AGBL1: variants seen among roughly 807,000 people sequenced by gnomAD.
AGBL1 encodes AGBL carboxypeptidase 1.
In AGBL1, 130 loss-of-function variants were observed where a neutral mutation model predicts 118.9. The observed-to-expected ratio is 1.09, with a 90% CI of 0.95 to 1.26. The LOEUF (loss-of-function observed/expected upper bound fraction) is 1.26. Among genes scored for constraint, AGBL1 ranks in the 50% most tolerant of loss-of-function variants. The pLI, the probability that AGBL1 is intolerant of heterozygous loss-of-function variation, is 0.00. For missense variants in AGBL1, 1,584 were observed against 1,298.1 expected (o/e 1.22, Z -3.38); for synonymous variants, 555 against 478.9 (o/e 1.16, Z -2.08).
At chr15:86,698,772 T>C (rs916730345) in intron 22 of AGBL1, among the ~76,000 whole-genome samples, 5 of 151,974 alleles carry the variant, frequency 3.3e-5, no homozygotes, top group African/African-American at 1.2e-4. Context: ...ACAGTGGTTC[T>C]GGAACAAGAC....
At chr15:86,356,137 C>A (rs1389731704) in intron 17 of AGBL1, among the ~76,000 whole-genome samples, 1 of 151,946 alleles carries the variant, frequency 6.6e-6, no homozygotes, top group Non-Finnish European at 1.5e-5. Flanking sequence ...ACAGGAAGCA[C>A]ATAGCAGAGG....
chr15:86,758,558 G>A (rs970087069), intron 22 of AGBL1, among the ~76,000 whole-genome samples: 52 of 152,054 alleles, frequency 3.4e-4, no homozygotes, highest in African/African-American at 1.2e-3. Context: ...CTGGGACTTA[G>A]GTGCTCGATA....
intron 23 of AGBL1, among the ~76,000 whole-genome samples, chr15:86,971,466 T>G (rs959578740): frequency 6.6e-6 from 1 of 151,974 alleles, no homozygotes; most frequent in African/African-American, 2.4e-5. Flanking sequence ...TTGCCTCATT[T>G]ATACTATTCC....
intron 23 of AGBL1, among the ~76,000 whole-genome samples, chr15:86,929,960 T>G (rs1390796224): frequency 6.6e-6 from 1 of 152,218 alleles, no homozygotes; most frequent in African/African-American, 2.4e-5. Context: ...AAATGCCCTT[T>G]GGCTGGCTAA....
At chr15:86,955,727 ATAAAT>A (rs1041486782) in intron 23 of AGBL1, among the ~76,000 whole-genome samples, 49 of 152,104 alleles carry the variant, frequency 3.2e-4, no homozygotes, top group African/African-American at 1.0e-3. Flanking sequence ...ATTTCTGAAA[ATAAAT>A]TAACAACCGG....
chr15:86,485,681 G>A (rs569774532), intron 18 of AGBL1, among the ~76,000 whole-genome samples: 5 of 152,158 alleles, frequency 3.3e-5, no homozygotes, highest in Admixed American at 2.0e-4. Context: ...CAGCTCATGG[G>A]CTATACAAAA....
chr15:86,404,774 G>A lies in AGBL1; in HGVS notation c.2555+7228G>A, dbSNP rs184575901. Among the ~76,000 whole-genome samples the A allele has an allele frequency of 1.2e-4, 19 of 152,292 alleles. No individual in the cohort carries two copies. The East Asian group carries it at 2.1e-3, about 17-fold the overall frequency. ...TGTGATGCTGGGCCTGTAGATCACG[G>A]CAATGAGCATACTTGCCATGTTCAC... On this transcript the variant is annotated intron_variant, in intron 18 of 22. Transcript: ENST00000614907.
At chr15:86,459,172 T>C (rs1397382159) in intron 18 of AGBL1, among the ~76,000 whole-genome samples, 1 of 152,194 alleles carries the variant, frequency 6.6e-6, no homozygotes, top group Non-Finnish European at 1.5e-5. Context: ...ATAGGCTCCC[T>C]TGAATAGTGC....
intron 23 of AGBL1, among the ~76,000 whole-genome samples, chr15:86,976,635 C>A (rs1429783921): frequency 6.6e-6 from 1 of 151,920 alleles, no homozygotes; most frequent in Non-Finnish European, 1.5e-5. Context: ...AATTCTAAAG[C>A]TCTCTTACAC....
intron 22 of AGBL1, among the ~76,000 whole-genome samples, chr15:86,759,410 C>G (rs1403416616): frequency 1.3e-5 from 2 of 152,064 alleles, no homozygotes; most frequent in African/African-American, 4.8e-5. Context: ...ATAACGGAAA[C>G]TTCCTCATAA....
intron 18 of AGBL1, among the ~76,000 whole-genome samples, chr15:86,497,872 C>T (rs907564127): frequency 5.3e-5 from 8 of 151,852 alleles, no homozygotes; most frequent in Non-Finnish European, 7.4e-5. Flanking sequence ...AATCACATAC[C>T]GCTACACCAT....
chr15:86,723,143 C>A (rs563441105), intron 22 of AGBL1, among the ~76,000 whole-genome samples: 1 of 152,182 alleles, frequency 6.6e-6, no homozygotes, highest in Non-Finnish European at 1.5e-5. Flanking sequence ...ACCCAGCCAT[C>A]CCATTACTGA....
At chr15:86,802,733 T>C (rs1366492416) in intron 22 of AGBL1, among the ~76,000 whole-genome samples, 1 of 152,138 alleles carries the variant, frequency 6.6e-6, no homozygotes, top group Non-Finnish European at 1.5e-5. Context: ...TTCATGGAGC[T>C]ACTGAACATA....
At chr15:86,191,630 T>A (rs2077723230) in intron 5 of AGBL1, among the ~76,000 whole-genome samples, 1 of 152,054 alleles carries the variant, frequency 6.6e-6, no homozygotes, top group Non-Finnish European at 1.5e-5. Context: ...CCGTTGTGAA[T>A]GACAGAAAAC....
intron 22 of AGBL1, among the ~76,000 whole-genome samples, chr15:86,877,148 C>T (rs1368298313): frequency 1.3e-5 from 2 of 152,022 alleles, no homozygotes; most frequent in African/African-American, 2.4e-5. Flanking sequence ...TGCATAAAAG[C>T]CCCATAACCA....
chr15:86,326,121 C>T (rs1438033621), intron 17 of AGBL1, among the ~76,000 whole-genome samples: 3 of 152,162 alleles, frequency 2.0e-5, no homozygotes, highest in Non-Finnish European at 2.9e-5. Context: ...TCATTCTCTC[C>T]ATCAACAAGT....
At chr15:86,111,586 G>A (rs1462540761) in intron 1 of AGBL1, among the ~76,000 whole-genome samples, 2 of 152,130 alleles carry the variant, frequency 1.3e-5, no homozygotes, top group South Asian at 2.1e-4. Flanking sequence ...GTGGGATAGA[G>A]GTATTTGGAA....
chr15:86,301,011 T>C (rs1462047597), intron 17 of AGBL1, among the ~76,000 whole-genome samples: 3 of 152,168 alleles, frequency 2.0e-5, no homozygotes, highest in African/African-American at 4.8e-5. Flanking sequence ...CCTTTTGGCT[T>C]CTTTGCAAAT....
chr15:86,421,837 A>T (rs1165604608), intron 18 of AGBL1, among the ~76,000 whole-genome samples: 2 of 152,224 alleles, frequency 1.3e-5, no homozygotes, highest in Admixed American at 6.5e-5. Flanking sequence ...ACCAACAAAG[A>T]TTTAAAAAGA....
Sources: allele counts gnomAD v4.1 joint callset (sites outside exome capture counted in the v4.1 genomes callset), GRCh38; gene constraint gnomAD v4.1.1; transcripts MANE v1.5; gene names NCBI Gene and HGNC (gene_info 2026-07-23, HGNC 2026-07-21).